The following ARHGAP24 variants were observed in gnomAD, a reference collection of about 807,000 sequenced individuals.
ARHGAP24 encodes the protein rho GTPase-activating protein 24.
A neutral mutation model predicts 76.4 loss-of-function variants in ARHGAP24; 50 were observed. That is an observed-to-expected ratio of 0.65 (90% confidence interval 0.52 to 0.83). The LOEUF is 0.83. Among genes scored for constraint, ARHGAP24 ranks in the 40% least tolerant of loss-of-function variants. The probability of loss-of-function intolerance (pLI) is 0.00; values close to 1 mark genes in which losing one functional copy is unlikely to be tolerated. For synonymous variants in ARHGAP24, 345 were observed against 323.3 expected (o/e 1.07, Z -0.72); for missense variants, 930 against 914.2 (o/e 1.02, Z -0.22).
At chr4:85,547,696 G>A (rs1190133180) in intron 1 of ARHGAP24, among the ~76,000 whole-genome samples, 2 of 152,050 alleles carry the variant, frequency 1.3e-5, no homozygotes, top group Non-Finnish European at 1.5e-5. Flanking sequence ...TCAGCCTCCC[G>A]AAGTGCTGGG....
intron 3 of ARHGAP24, among the ~76,000 whole-genome samples, chr4:85,734,672 A>C (rs753280024): frequency 6.1e-5 from 8 of 131,226 alleles, no homozygotes; most frequent in African/African-American, 2.3e-4. Flanking sequence ...CAGCAATCAC[A>C]TTGTCCTTCT....
chr4:85,648,524 G>A (rs2109977937), intron 2 of ARHGAP24, among the ~76,000 whole-genome samples: 1 of 152,120 alleles, frequency 6.6e-6, no homozygotes, highest in Middle Eastern at 3.4e-3. Context: ...TTTGGAAACA[G>A]ATACATGAGC....
At chr4:85,596,090 T>C (rs1719825195) in intron 2 of ARHGAP24, among the ~76,000 whole-genome samples, 1 of 151,748 alleles carries the variant, frequency 6.6e-6, no homozygotes, top group South Asian at 2.1e-4. Flanking sequence ...TTTTCTTACC[T>C]ATCTAGTATT....
chr4:85,901,359 G>C (rs974372281), intron 3 of ARHGAP24, among the ~76,000 whole-genome samples: 13 of 151,918 alleles, frequency 8.6e-5, no homozygotes, highest in Non-Finnish European at 1.2e-4. Flanking sequence ...CATTATGGAA[G>C]CCCAAGAGGG....
chr4:85,595,733 A>G (rs1017708239), intron 2 of ARHGAP24, among the ~76,000 whole-genome samples: 25 of 152,106 alleles, frequency 1.6e-4, no homozygotes, highest in Admixed American at 1.6e-3. Flanking sequence ...GTAATGACAA[A>G]AAAATCCCAA....
chr4:85,730,547 C>A (rs1001234853), intron 3 of ARHGAP24, among the ~76,000 whole-genome samples: 1 of 152,080 alleles, frequency 6.6e-6, no homozygotes, highest in Middle Eastern at 3.2e-3. Context: ...GTAGCTGGAA[C>A]CACAAGTTCA....
At chr4:85,979,424 C>T (rs1739522116) in intron 8 of ARHGAP24, among the ~76,000 whole-genome samples, 1 of 152,068 alleles carries the variant, frequency 6.6e-6, no homozygotes, top group Non-Finnish European at 1.5e-5. Context: ...CACCGCCATC[C>T]ATCTCCAGAG....
chr4:85,782,248 G>A (rs113282290), intron 3 of ARHGAP24, among the ~76,000 whole-genome samples: 110 of 151,940 alleles, frequency 7.2e-4, no homozygotes, highest in Non-Finnish European at 1.0e-3. Context: ...CATTTTAATC[G>A]AAATTTAATT....
At chr4:85,884,307 T>C (rs946767966) in intron 3 of ARHGAP24, among the ~76,000 whole-genome samples, 2 of 152,184 alleles carry the variant, frequency 1.3e-5, no homozygotes, top group African/African-American at 4.8e-5. Context: ...GAAAAGTTAA[T>C]GAGGGGAAGA....
intron 3 of ARHGAP24, among the ~76,000 whole-genome samples, chr4:85,857,538 T>G (rs1731652278): frequency 6.6e-6 from 1 of 152,220 alleles, no homozygotes; most frequent in South Asian, 2.1e-4. Context: ...TTATTTTTCC[T>G]CATAATGCTT....
chr4:85,779,004 GT>G (rs751449730), intron 3 of ARHGAP24: 6 of 985,258 alleles, frequency 6.1e-6, no homozygotes, highest in Non-Finnish European at 7.2e-6. Context: ...GGGTTCATTT[GT>G]TTTGGGGACA....
At chr4:85,699,066 A>G (rs1020835916) in intron 2 of ARHGAP24, among the ~76,000 whole-genome samples, 1 of 152,208 alleles carries the variant, frequency 6.6e-6, no homozygotes, top group African/African-American at 2.4e-5. Flanking sequence ...TAGGACTTCA[A>G]CATATGAATT....
chr4:85,648,299 A>G (rs963270870), intron 2 of ARHGAP24, among the ~76,000 whole-genome samples: 4 of 152,254 alleles, frequency 2.6e-5, no homozygotes, highest in African/African-American at 9.6e-5. Flanking sequence ...CTAACATCTT[A>G]CTGAATAATG....
At chr4:85,497,351 C>T (rs1723621815) in intron 1 of ARHGAP24, among the ~76,000 whole-genome samples, 1 of 152,210 alleles carries the variant, frequency 6.6e-6, no homozygotes, top group South Asian at 2.1e-4. Context: ...GCTTTAAATT[C>T]AGCGTCTAGA....
chr4:85,736,121 A>G (rs1432125833), intron 3 of ARHGAP24, among the ~76,000 whole-genome samples: 3 of 152,130 alleles, frequency 2.0e-5, no homozygotes, highest in South Asian at 2.1e-4. Flanking sequence ...ACTACTATTC[A>G]TCTCTCAAAT....
chr4:85,723,980 A>AT (rs1425593118), intron 3 of ARHGAP24, among the ~76,000 whole-genome samples: 2 of 152,146 alleles, frequency 1.3e-5, no homozygotes, highest in Non-Finnish European at 2.9e-5. Flanking sequence ...ACAAGATAAT[A>AT]TTTTTCAATT....
intron 1 of ARHGAP24, among the ~76,000 whole-genome samples, chr4:85,499,136 T>C (rs1161381299): frequency 6.6e-6 from 1 of 152,194 alleles, no homozygotes; most frequent in East Asian, 1.9e-4. Context: ...TGTCTTCGAA[T>C]TTAAATCAGA....
intron 3 of ARHGAP24, among the ~76,000 whole-genome samples, chr4:85,831,772 T>C (rs1730004157): frequency 1.3e-5 from 2 of 152,028 alleles, no homozygotes; most frequent in African/African-American, 4.8e-5. Flanking sequence ...CATGGTGGTA[T>C]GTGCCTGTAG....
At chr4:85,706,328 A>C (rs543115736) in intron 2 of ARHGAP24, among the ~76,000 whole-genome samples, 11 of 152,320 alleles carry the variant, frequency 7.2e-5, no homozygotes, top group African/African-American at 2.6e-4. Flanking sequence ...AATAAAAATG[A>C]TTAATGTACT....
Sources: allele counts gnomAD v4.1 joint callset (sites outside exome capture counted in the v4.1 genomes callset), GRCh38; gene constraint gnomAD v4.1.1; transcripts MANE v1.5; gene names NCBI Gene and HGNC (gene_info 2026-07-23, HGNC 2026-07-21).